The following PLEKHM3 variants were observed in gnomAD, a reference collection of about 807,000 sequenced individuals.
PLEKHM3 encodes pleckstrin homology domain-containing family M member 3.
Under a neutral mutation model 81.8 loss-of-function variants are expected in PLEKHM3, and 45 were observed. The ratio of observed to expected loss-of-function variants is 0.55; its 90% CI spans 0.43 to 0.71. PLEKHM3 has a LOEUF of 0.71. PLEKHM3 is among the 30% of genes least tolerant of loss of function. The probability of loss-of-function intolerance (pLI) is 0.00; values close to 1 mark genes in which losing one functional copy is unlikely to be tolerated. For missense variants in PLEKHM3, 788 were observed against 924.3 expected (o/e 0.85, Z 1.91); for synonymous variants, 352 against 356.4 (o/e 0.99, Z 0.14).
chr2:207,877,205 G>C (rs915693358), intron 6 of PLEKHM3, among the ~76,000 whole-genome samples: 3 of 152,158 alleles, frequency 2.0e-5, no homozygotes, highest in African/African-American at 7.2e-5. Context: ...CAGAGGTTCA[G>C]TAAAATCTAA....
intron 6 of PLEKHM3, among the ~76,000 whole-genome samples, chr2:207,878,480 T>G (rs2092570470): frequency 6.6e-6 from 1 of 152,144 alleles, no homozygotes; most frequent in Admixed American, 6.5e-5. Flanking sequence ...TAGTGGTGCA[T>G]GCCTGTAATC....
In PLEKHM3 at chr2:207,977,456, G is replaced by A. The variant is rs1433433570; in HGVS notation, c.741C>T (p.Ser247=). The A allele has an allele frequency of 6.2e-7, 1 of 1,614,224 alleles. No individual in the cohort carries two copies. The highest frequency in any genetic ancestry group is 1.7e-5 in the Admixed American group (1 of 60,026). ...PYNLYFYSLD[S]SGNQNLYATY... is the part of the protein sequence containing the mutation. ...TGGCATAAAGGTTTTGATTCCCACT[G>A]CTGTCGAGGCTGTAGAAGTATAAGT... is the stretch of plus-strand genomic sequence containing the variant. The change falls in exon 3 of 8, where the codon AGC becomes AGT. Residue 247 remains serine, a synonymous_variant. Transcript: ENST00000427836.
At position 207,862,479 on chromosome 2, in the gene PLEKHM3, A is replaced by T. The variant is rs553051995; in HGVS notation, c.1951-1217T>A. On this transcript the variant is annotated intron_variant, in intron 6 of 7. Transcript: ENST00000427836. Reference sequence around the variant, plus strand: ...TAGCAAAACCCTGTCTCTACTAAAAATACAAAAAATTAGCCGGGCGTGGTG... The same window carrying T: ...TAGCAAAACCCTGTCTCTACTAAAATTACAAAAAATTAGCCGGGCGTGGTG... 2.1e-4 allele frequency among the ~76,000 whole-genome samples: 32 copies of T among 152,260 alleles called. 1 individual carries two copies. In the South Asian group the frequency reaches 4.2e-3, roughly 20 times the overall value.
At chr2:207,881,704 A>G (rs1243404401) in intron 6 of PLEKHM3, among the ~76,000 whole-genome samples, 1 of 152,204 alleles carries the variant, frequency 6.6e-6, no homozygotes, top group Non-Finnish European at 1.5e-5. Flanking sequence ...AGCCTGCGGT[A>G]TGGTTGACAG....
intron 4 of PLEKHM3, among the ~76,000 whole-genome samples, chr2:207,933,622 T>C (rs559871962): frequency 6.6e-6 from 1 of 152,260 alleles, no homozygotes; most frequent in South Asian, 2.1e-4. Context: ...TCCCAGGCCT[T>C]AAAAGGCTTC....
chr2:207,985,184 T>C (rs973608102), intron 2 of PLEKHM3, among the ~76,000 whole-genome samples: 3 of 151,646 alleles, frequency 2.0e-5, no homozygotes, highest in African/African-American at 7.3e-5. Context: ...GCTCACCCAC[T>C]CCTGACCTTC....
Position 208,001,439 on chromosome 2 carries a change from G to T in PLEKHM3, c.201C>A (p.Gly67=), listed in dbSNP as rs1448754739. 6.2e-7 allele frequency: 1 copy of T among 1,613,974 alleles called. No individual in the cohort carries two copies. Among genetic ancestry groups the T allele is most frequent in the Non-Finnish European group, 8.5e-7 (1 of 1,180,014 alleles). Residue 67 remains glycine, a synonymous_variant, in exon 2 of 8, where the codon GGC becomes GGA. Transcript: ENST00000427836. ...AGTGGTCCCAAATCATGCCCCCCTT[G>T]CCCAGGGAGGTGACATTTCTCATAG... ...NGAMRNVTSL[G]KGGMIWDHCK...
At chr2:207,963,960 C>T (rs1690824630) in intron 3 of PLEKHM3, among the ~76,000 whole-genome samples, 1 of 152,196 alleles carries the variant, frequency 6.6e-6, no homozygotes, top group Non-Finnish European at 1.5e-5. Context: ...GCCTATAATC[C>T]CAGCAGTTTG....
chr2:207,986,725 C>T (rs539498007), intron 2 of PLEKHM3, among the ~76,000 whole-genome samples: 1 of 150,832 alleles, frequency 6.6e-6, no homozygotes, highest in East Asian at 1.9e-4. Context: ...AGCTGAAGTG[C>T]AGTGGCATGA....
At chr2:207,866,684 C>T (rs1176659319) in intron 6 of PLEKHM3, among the ~76,000 whole-genome samples, 1 of 152,138 alleles carries the variant, frequency 6.6e-6, no homozygotes, top group Non-Finnish European at 1.5e-5. Flanking sequence ...AACATGCTTG[C>T]TCTTGCTCCT....
intron 4 of PLEKHM3, among the ~76,000 whole-genome samples, chr2:207,943,235 C>T (rs1690002995): frequency 1.3e-5 from 2 of 152,110 alleles, no homozygotes; most frequent in Admixed American, 1.3e-4. Flanking sequence ...TGATGGATAT[C>T]CTGATTTAAT....
At chr2:208,008,501 C>CA (rs59305459) in intron 1 of PLEKHM3, among the ~76,000 whole-genome samples, 1,333 of 83,422 alleles carry the variant, frequency 0.016, 44 homozygotes, top group African/African-American at 0.038. Flanking sequence ...CTAACCTTGC[C>CA]AAAAAAAAAA....
In PLEKHM3 at chr2:207,901,236, C is replaced by T. The variant is rs1420968070; in HGVS notation, c.1950+7278G>A. On this transcript the variant is annotated intron_variant, in intron 6 of 7. Coordinates refer to ENST00000427836, the MANE Select transcript of PLEKHM3 (RefSeq NM_001080475.3). ...CCTTAGTGCCGCACATTTGCTGCCA[C>T]ATCCCGTGCCGAGCTCCCCCGATCC... 3 of 702,840 alleles carry T rather than the reference C, an allele frequency of 4.3e-6. No individual in the cohort carries two copies. In the African/African-American group the frequency reaches 5.2e-5, roughly 12 times the overall value. 43.5% of individuals were successfully genotyped at this position (702,840 alleles called of 1,614,324 possible).
intron 6 of PLEKHM3, among the ~76,000 whole-genome samples, chr2:207,898,130 T>C (rs1013575273): frequency 3.3e-5 from 5 of 152,204 alleles, no homozygotes; most frequent in Admixed American, 1.3e-4. Flanking sequence ...TCAGCATTCA[T>C]TAGTTTGACG....
chr2:207,906,788 T>G (rs1308101371), intron 6 of PLEKHM3, among the ~76,000 whole-genome samples: 3 of 151,818 alleles, frequency 2.0e-5, no homozygotes, highest in Non-Finnish European at 4.4e-5. Flanking sequence ...GACTGTCAAA[T>G]AAATAAATAA....
chr2:208,002,935 T>C (rs1287838847), intron 1 of PLEKHM3, among the ~76,000 whole-genome samples: 2 of 151,232 alleles, frequency 1.3e-5, no homozygotes, highest in Non-Finnish European at 2.9e-5. Context: ...ATAAAACAAC[T>C]AGGCAAGGGC....
chr2:207,929,333 C>T lies in PLEKHM3; in HGVS notation c.1886+1593G>A, dbSNP rs148211728. Among the ~76,000 whole-genome samples the T allele has an allele frequency of 2.7e-3, 414 of 152,248 alleles. 6 individuals are homozygous for T. The highest frequency in any genetic ancestry group is 9.5e-3 in the African/African-American group (393 of 41,546). On this transcript the variant is annotated intron_variant, in intron 5 of 7. Coordinates refer to ENST00000427836, the MANE Select transcript of PLEKHM3 (RefSeq NM_001080475.3). Reference sequence around the variant, plus strand: ...CTTAGTCATCCATATGAGGAGAGGACCTTCTATTTAACTTCTAAATGTGTG... The same window carrying T: ...CTTAGTCATCCATATGAGGAGAGGATCTTCTATTTAACTTCTAAATGTGTG...
chr2:207,892,848 C>T (rs1045725279), intron 6 of PLEKHM3, among the ~76,000 whole-genome samples: 2 of 152,186 alleles, frequency 1.3e-5, no homozygotes, highest in Non-Finnish European at 1.5e-5. Context: ...TTCCTTATCC[C>T]AAGGAGACAG....
intron 6 of PLEKHM3, among the ~76,000 whole-genome samples, chr2:207,867,363 C>G (rs891441360): frequency 1.3e-5 from 2 of 152,062 alleles, no homozygotes; most frequent in African/African-American, 4.8e-5. Flanking sequence ...ATTTTTTTAT[C>G]CAGAAAAGTG....
Sources: gnomAD v4.1 joint callset for allele counts (sites outside exome capture counted in the v4.1 genomes callset) on GRCh38, gnomAD v4.1.1 for gene constraint, MANE v1.5 for transcripts, NCBI Gene and HGNC (gene_info 2026-07-23, HGNC 2026-07-21) for gene names.